The following NRXN1 variants were observed in gnomAD, a reference collection of about 807,000 sequenced individuals.
NRXN1 encodes the protein neurexin 1, also known as neurexin-1.
Under a neutral mutation model 150.9 loss-of-function variants are expected in NRXN1, and 39 were observed. That is an observed-to-expected ratio of 0.26 (90% CI 0.20 to 0.34). The LOEUF is 0.34. Ranked by LOEUF, NRXN1 falls within the 10% of genes least tolerant of loss-of-function variation. The pLI, the probability that NRXN1 is intolerant of heterozygous loss-of-function variation, is 1.00. For synonymous variants in NRXN1, 924 were observed against 757.0 expected, an observed-to-expected ratio of 1.22 and a Z score of -3.62; for missense variants, 1,815 against 1,949.9, an observed-to-expected ratio of 0.93 and a Z score of 1.30.
At chr2:50,297,741 AT>A (rs1264407215) in intron 17 of NRXN1, among the ~76,000 whole-genome samples, 1 of 152,206 alleles carries the variant, frequency 6.6e-6, no homozygotes, top group African/African-American at 2.4e-5. Flanking sequence ...CTAAAGTGTA[AT>A]GACCATACAG....
At chr2:50,841,123 C>T (rs1672804962) in intron 5 of NRXN1, 1 of 152,566 alleles carries the variant, frequency 6.6e-6, no homozygotes, top group South Asian at 2.1e-4. Context: ...AGGAAAATGA[C>T]ATTATGAATG....
intron 8 of NRXN1, among the ~76,000 whole-genome samples, chr2:50,572,131 G>A (rs1240414486): frequency 1.3e-5 from 2 of 152,194 alleles, no homozygotes; most frequent in Non-Finnish European, 2.9e-5. Context: ...GGGGTCAGCA[G>A]AGGTCTGGAG....
intron 17 of NRXN1, among the ~76,000 whole-genome samples, chr2:50,441,351 T>A (rs775810148): frequency 3.4e-4 from 52 of 152,284 alleles, no homozygotes; most frequent in Non-Finnish European, 5.9e-4. Context: ...AATTAATTTA[T>A]TTAAAAAGAA....
chr2:50,459,263 G>A lies in NRXN1; in HGVS notation c.3364+6179C>T, dbSNP rs140894108. Among the ~76,000 whole-genome samples, 369 of 152,102 alleles carry A rather than the reference G, an allele frequency of 2.4e-3. 1 individual carries two copies. The highest frequency in any genetic ancestry group is 8.5e-3 in the African/African-American group (352 of 41,514). ...CATAAAGTGGGAGAAGTATTTAACCGTTTGCTCTCTTCAAATATCTTCCTG... is the reference window on the plus strand; with the variant it reads ...CATAAAGTGGGAGAAGTATTTAACCATTTGCTCTCTTCAAATATCTTCCTG... On this transcript the variant is annotated intron_variant, in intron 17 of 22. Transcript: ENST00000401669.
At chr2:50,703,685 G>C (rs1456516543) in intron 5 of NRXN1, among the ~76,000 whole-genome samples, 1 of 152,144 alleles carries the variant, frequency 6.6e-6, no homozygotes, top group Non-Finnish European at 1.5e-5. Flanking sequence ...ATTCAGATCA[G>C]AGCTGTGCAA....
At chr2:50,316,391 T>TAATAGGGTAGCTCAAACATC (rs1406705705) in intron 17 of NRXN1, among the ~76,000 whole-genome samples, 1 of 152,002 alleles carries the variant, frequency 6.6e-6, no homozygotes, top group East Asian at 1.9e-4. Flanking sequence ...TTTCAAACAT[T>TAATAGGGTAGCTCAAACATC]TAATAGGGTA....
At position 50,553,012 on chromosome 2, in the gene NRXN1, T is replaced by C; in HGVS notation, c.1334A>G (p.Asn445Ser). Reference protein sequence around the residue: ...MGCLKEVVYKNNDVRLELSRL... With the variant: ...MGCLKEVVYKSNDVRLELSRL... ...AGATAATTCCAGCCTCACATCATTA[T>C]TTTTATATACAACCTGTGGGCAGAG... The change falls in exon 9 of 23, where the codon AAT becomes AGT. Residue 445 changes from asparagine (N) to serine (S), a missense_variant. Transcript: ENST00000401669. The C allele has an allele frequency of 1.2e-6, 2 of 1,607,974 alleles. No homozygotes were observed. The highest frequency in any genetic ancestry group is 1.7e-6 in the Non-Finnish European group (2 of 1,177,036).
chr2:50,296,518 C>CTATTATTATTATTAT lies in NRXN1; in HGVS notation c.3365-59563_3365-59549dup, dbSNP rs70946899. ...TCCATGTGTACCCATTGCTTAGCTT[C>CTATTATTATTATTAT]TATTATTATTATTATTATCATTATT... On this transcript the variant is annotated intron_variant, in intron 17 of 22. Coordinates refer to ENST00000401669, the MANE Select transcript of NRXN1 (RefSeq NM_001330078.2). 8.5e-3 allele frequency among the ~76,000 whole-genome samples: 1,265 copies of CTATTATTATTATTAT among 148,028 alleles called. 7 individuals carry two copies. Among genetic ancestry groups the CTATTATTATTATTAT allele is most frequent in the African/African-American group, 0.023 (925 of 39,646 alleles).
chr2:50,447,735 CG>C (rs1192150243), intron 17 of NRXN1, among the ~76,000 whole-genome samples: 2 of 42,732 alleles, frequency 4.7e-5, no homozygotes, highest in East Asian at 8.4e-4. Context: ...AGCAGGGGAA[CG>C]TTATATATAT....
At position 50,274,575 on chromosome 2, in the gene NRXN1, A is replaced by G. The variant is rs532835418; in HGVS notation, c.3365-37605T>C. ...CTTAGAGTATAATTTAAAAAAAGAGACTATTGCGGAGACTGAAAAAGAGAT... is the reference window on the plus strand; with the variant it reads ...CTTAGAGTATAATTTAAAAAAAGAGGCTATTGCGGAGACTGAAAAAGAGAT... On this transcript the variant is annotated intron_variant, in intron 17 of 22. Coordinates refer to ENST00000401669, the MANE Select transcript of NRXN1 (RefSeq NM_001330078.2). 8.9e-4 allele frequency among the ~76,000 whole-genome samples: 136 copies of G among 152,244 alleles called. 1 individual carries two copies. Among genetic ancestry groups the G allele is most frequent in the African/African-American group, 3.0e-3 (126 of 41,538 alleles).
At chr2:50,330,537 C>G (rs1479184650) in intron 17 of NRXN1, among the ~76,000 whole-genome samples, 1 of 152,042 alleles carries the variant, frequency 6.6e-6, no homozygotes, top group Non-Finnish European at 1.5e-5. Context: ...CCTAACCTTC[C>G]CCAACCCAGA....
At chr2:50,203,162 T>A (rs922109492) in intron 18 of NRXN1, among the ~76,000 whole-genome samples, 1 of 152,168 alleles carries the variant, frequency 6.6e-6, no homozygotes, top group African/African-American at 2.4e-5. Flanking sequence ...ATTAAAGTCA[T>A]AATTCAGTTC....
intron 15 of NRXN1, among the ~76,000 whole-genome samples, chr2:50,486,497 C>A (rs765696255): frequency 6.0e-4 from 91 of 152,282 alleles, no homozygotes; most frequent in Non-Finnish European, 1.1e-3. Flanking sequence ...GGGAACTACA[C>A]ATGTTAAATT....
At chr2:50,390,937 T>C (rs1045986209) in intron 17 of NRXN1, among the ~76,000 whole-genome samples, 1 of 152,122 alleles carries the variant, frequency 6.6e-6, no homozygotes, top group Admixed American at 6.6e-5. Flanking sequence ...TAAATCATAT[T>C]AGTATTTCAC....
chr2:50,613,403 CT>C (rs1241853443), intron 8 of NRXN1, among the ~76,000 whole-genome samples: 1 of 152,132 alleles, frequency 6.6e-6, no homozygotes, highest in African/African-American at 2.4e-5. Context: ...AACATGGCTA[CT>C]TTGTGAGTCA....
At chr2:50,944,693 C>T (rs1391648338) in intron 2 of NRXN1, among the ~76,000 whole-genome samples, 1 of 152,108 alleles carries the variant, frequency 6.6e-6, no homozygotes, top group Non-Finnish European at 1.5e-5. Flanking sequence ...CAAAATGGTG[C>T]AGTATAATTA....
chr2:50,889,472 A>T (rs1680737328), intron 5 of NRXN1, among the ~76,000 whole-genome samples: 1 of 151,760 alleles, frequency 6.6e-6, no homozygotes, highest in Non-Finnish European at 1.5e-5. Flanking sequence ...TTTGTTTCCC[A>T]TCTAAACAAA....
chr2:50,064,027 A>C (rs1694967276), intron 19 of NRXN1, among the ~76,000 whole-genome samples: 1 of 152,164 alleles, frequency 6.6e-6, no homozygotes, highest in Non-Finnish European at 1.5e-5. Context: ...ATATAGTCAC[A>C]AACACCATTG....
At chr2:50,120,843 C>T (rs2152735996) in intron 18 of NRXN1, among the ~76,000 whole-genome samples, 1 of 152,264 alleles carries the variant, frequency 6.6e-6, no homozygotes, top group East Asian at 1.9e-4. Context: ...TATATTTCCA[C>T]TAAAGCATTT....
Sources: gnomAD v4.1 joint callset for allele counts (sites outside exome capture counted in the v4.1 genomes callset) on GRCh38, gnomAD v4.1.1 for gene constraint, MANE v1.5 for transcripts, NCBI Gene and HGNC (gene_info 2026-07-23, HGNC 2026-07-21) for gene names.